FOXO3: variants seen among roughly 807,000 people sequenced by gnomAD.
FOXO3 encodes the protein forkhead box O3.
In FOXO3, 4 loss-of-function variants were observed where a neutral mutation model predicts 41.9. That is an observed-to-expected ratio of 0.10 (90% CI 0.05 to 0.22). FOXO3 has a LOEUF of 0.22. Ranked by LOEUF, FOXO3 falls within the 10% of genes least tolerant of loss-of-function variation. The pLI is 1.00. For synonymous variants in FOXO3, 318 were observed against 389.3 expected (o/e 0.82, Z 2.16); for missense variants, 534 against 906.8 (o/e 0.59, Z 5.28).
At chr6:108,617,038 A>G (rs1777535342) in intron 1 of FOXO3, among the ~76,000 whole-genome samples, 2 of 152,228 alleles carry the variant, frequency 1.3e-5, no homozygotes, top group Admixed American at 6.5e-5. Context: ...GTTGCTGGGC[A>G]TTTGAATTGT....
chr6:108,655,266 C>CT, intron 1 of FOXO3, among the ~76,000 whole-genome samples: 1 of 152,280 alleles, frequency 6.6e-6, no homozygotes, highest in East Asian at 1.9e-4. Context: ...AAAAGCAGAT[C>CT]TGGACCTCAG....
intron 1 of FOXO3, among the ~76,000 whole-genome samples, chr6:108,579,364 T>TGGAACAA (rs1242865493): frequency 3.3e-5 from 5 of 152,182 alleles, no homozygotes; most frequent in Admixed American, 2.6e-4. Flanking sequence ...GGTTCGGTGT[T>TGGAACAA]GGAACAACAT....
intron 1 of FOXO3, among the ~76,000 whole-genome samples, chr6:108,622,919 G>A (rs1777707688): frequency 6.7e-6 from 1 of 148,222 alleles, no homozygotes. Context: ...TTGTGCATAA[G>A]AGGGCCTTTT....
At position 108,682,529 on chromosome 6, in the gene FOXO3, G is replaced by A. The variant is rs1360854449; in HGVS notation, c.*2737G>A. On this transcript the variant is annotated 3_prime_UTR_variant, in exon 3 of 3. Transcript: ENST00000406360. ...CCTGGAGAGGGTCAGCCGAGAATCT[G>A]GTAGTGAAGCCTGTCTAGGGTCCCG... 6.6e-6 allele frequency: 1 copy of A among 152,382 alleles called. No individual in the cohort carries two copies. The allele number at this position is 152,382 out of a possible 1,614,324, so 9.4% of individuals were successfully genotyped here. A position where few individuals can be genotyped will look rare whatever the true frequency, so the allele number is the denominator to read the frequency against.
At chr6:108,676,573 C>T (rs1770598920) in intron 2 of FOXO3, among the ~76,000 whole-genome samples, 2 of 152,170 alleles carry the variant, frequency 1.3e-5, no homozygotes, top group South Asian at 4.1e-4. Flanking sequence ...ACTAGAAGAG[C>T]ATCGACACAT....
At chr6:108,594,766 A>T (rs1489940248) in intron 1 of FOXO3, among the ~76,000 whole-genome samples, 1 of 152,152 alleles carries the variant, frequency 6.6e-6, no homozygotes, top group Non-Finnish European at 1.5e-5. Context: ...ATGGCTAGGC[A>T]CTGGCATGCC....
chr6:108,664,021 C>T lies in FOXO3; in HGVS notation c.1188C>T (p.Leu396=). 4 of 1,614,144 alleles carry T rather than the reference C, an allele frequency of 2.5e-6. No individual in the cohort carries two copies. Among genetic ancestry groups the T allele is most frequent in the Non-Finnish European group, 3.4e-6 (4 of 1,180,014 alleles). The stretch of plus-strand genomic sequence containing the variant: ...ACGACCTGCTGGATAACATCACGCT[C>T]CCGCCATCCCAGCCATCGCCCACTG... ...LMDDLLDNIT[L]PPSQPSPTGG... The change falls in exon 2 of 3, where the codon CTC becomes CTT. Residue 396 remains leucine (L), a synonymous_variant. Transcript: ENST00000406360.
At chr6:108,563,187 G>C (rs1173611170) in intron 1 of FOXO3, among the ~76,000 whole-genome samples, 1 of 152,158 alleles carries the variant, frequency 6.6e-6, no homozygotes, top group Non-Finnish European at 1.5e-5. Flanking sequence ...ACTTAATGTA[G>C]AGAATGTTTT....
At chr6:108,670,270 G>T (rs984480186) in intron 2 of FOXO3, among the ~76,000 whole-genome samples, 1 of 152,018 alleles carries the variant, frequency 6.6e-6, no homozygotes, top group Non-Finnish European at 1.5e-5. Context: ...GACACCACCT[G>T]CTTCACCCTG....
chr6:108,580,593 A>G (rs1249475712), intron 1 of FOXO3, among the ~76,000 whole-genome samples: 2 of 152,196 alleles, frequency 1.3e-5, no homozygotes, highest in Admixed American at 1.3e-4. Context: ...CTGTATCAGT[A>G]TGTCTCCACT....
At chr6:108,600,376 C>T (rs570208469) in intron 1 of FOXO3, among the ~76,000 whole-genome samples, 2 of 151,700 alleles carry the variant, frequency 1.3e-5, no homozygotes, top group Admixed American at 6.6e-5. Context: ...TGAAACCCCA[C>T]CTCTACTAAA....
intron 1 of FOXO3, among the ~76,000 whole-genome samples, chr6:108,587,676 A>T (rs1430715049): frequency 6.6e-6 from 1 of 152,208 alleles, no homozygotes; most frequent in African/African-American, 2.4e-5. Context: ...CATTGTTTAA[A>T]GTACAATGTA....
intron 1 of FOXO3, among the ~76,000 whole-genome samples, chr6:108,613,062 T>C (rs1777407423): frequency 6.6e-6 from 1 of 152,376 alleles, no homozygotes; most frequent in African/African-American, 2.4e-5. Context: ...TGAAATACAT[T>C]GACTGATTTG....
chr6:108,576,079 G>A (rs1391907224), intron 1 of FOXO3, among the ~76,000 whole-genome samples: 2 of 152,114 alleles, frequency 1.3e-5, no homozygotes, highest in African/African-American at 4.8e-5. Context: ...TAATTTCCTA[G>A]GTGAGCTAGT....
chr6:108,613,489 T>G (rs1298387916), intron 1 of FOXO3, among the ~76,000 whole-genome samples: 1 of 152,196 alleles, frequency 6.6e-6, no homozygotes, highest in Non-Finnish European at 1.5e-5. Context: ...TTTGCCCATT[T>G]TATTTAAGTT....
chr6:108,623,237 G>A (rs1427255550), intron 1 of FOXO3, among the ~76,000 whole-genome samples: 1 of 152,138 alleles, frequency 6.6e-6, no homozygotes, highest in Non-Finnish European at 1.5e-5. Context: ...CGTCTCAGGA[G>A]CCTACTCTGA....
chr6:108,671,246 G>T (rs1033061262), intron 2 of FOXO3, among the ~76,000 whole-genome samples: 5 of 152,220 alleles, frequency 3.3e-5, no homozygotes, highest in African/African-American at 1.2e-4. Flanking sequence ...GAATCCAGAT[G>T]CTGGTTTCTT....
At chr6:108,645,600 G>T (rs1045351183) in intron 1 of FOXO3, among the ~76,000 whole-genome samples, 1 of 152,018 alleles carries the variant, frequency 6.6e-6, no homozygotes, top group Admixed American at 6.6e-5. Flanking sequence ...AAACTTCAGG[G>T]CCAGGAGGAT....
intron 1 of FOXO3, chr6:108,618,243 T>G: frequency 2.5e-6 from 2 of 795,398 alleles, no homozygotes; most frequent in Non-Finnish European, 4.5e-6. Context: ...TTAATATGAT[T>G]GTTCTTAGTC....
Sources: gnomAD v4.1 joint callset for allele counts (sites outside exome capture counted in the v4.1 genomes callset) on GRCh38, gnomAD v4.1.1 for gene constraint, MANE v1.5 for transcripts, NCBI Gene and HGNC (gene_info 2026-07-23, HGNC 2026-07-21) for gene names.